FARS2: variants seen among roughly 807,000 people sequenced by gnomAD.
The protein encoded by FARS2 is phenylalanine--tRNA ligase, mitochondrial.
Under a neutral mutation model 46.4 loss-of-function variants are expected in FARS2, and 40 were observed. That is an observed-to-expected ratio of 0.86 (90% CI 0.67 to 1.12). The LOEUF is 1.12. Ranked by LOEUF, FARS2 falls within the 50% of genes most tolerant of loss-of-function variation. The probability of loss-of-function intolerance (pLI) is 0.00; values close to 1 mark genes in which losing one functional copy is unlikely to be tolerated. For missense variants in FARS2, 513 were observed against 567.9 expected (o/e 0.90, Z 0.98); for synonymous variants, 234 against 214.9 (o/e 1.09, Z -0.78).
At chr6:5,522,492 T>A (rs1326116249) in intron 4 of FARS2, among the ~76,000 whole-genome samples, 2 of 152,260 alleles carry the variant, frequency 1.3e-5, no homozygotes, top group African/African-American at 2.4e-5. Context: ...GTTCCACAGA[T>A]GAACTATACC....
chr6:5,476,351 T>C (rs1476380790), intron 4 of FARS2, among the ~76,000 whole-genome samples: 1 of 152,220 alleles, frequency 6.6e-6, no homozygotes, highest in African/African-American at 2.4e-5. Context: ...TCTGCTTTAT[T>C]TTCTTCATGG....
chr6:5,661,437 A>G (rs1777847439), intron 6 of FARS2, among the ~76,000 whole-genome samples: 1 of 152,202 alleles, frequency 6.6e-6, no homozygotes. Context: ...GCATGGAGTG[A>G]GAAGAGCAAG....
intron 6 of FARS2, among the ~76,000 whole-genome samples, chr6:5,742,482 G>A (rs1291822623): frequency 2.0e-5 from 3 of 152,152 alleles, no homozygotes; most frequent in African/African-American, 7.2e-5. Flanking sequence ...ATTATATGTA[G>A]TACCTTCTAA....
intron 4 of FARS2, among the ~76,000 whole-genome samples, chr6:5,480,894 A>T (rs1766413578): frequency 6.6e-6 from 1 of 152,206 alleles, no homozygotes; most frequent in Non-Finnish European, 1.5e-5. Flanking sequence ...TCTATAGAAG[A>T]CTAAAAATGA....
At chr6:5,615,988 T>TC (rs1185777577) in intron 6 of FARS2, among the ~76,000 whole-genome samples, 2 of 140,022 alleles carry the variant, frequency 1.4e-5, no homozygotes, top group East Asian at 4.5e-4. Flanking sequence ...ACTTTACACT[T>TC]CAGATTGTAA....
At chr6:5,302,767 G>A (rs984548043) in intron 1 of FARS2, among the ~76,000 whole-genome samples, 14 of 152,108 alleles carry the variant, frequency 9.2e-5, no homozygotes, top group Non-Finnish European at 1.8e-4. Flanking sequence ...GTCGGCTCAC[G>A]GTGCAGAAAT....
chr6:5,508,293 C>T (rs1445490354), intron 4 of FARS2, among the ~76,000 whole-genome samples: 1 of 152,264 alleles, frequency 6.6e-6, no homozygotes, highest in Non-Finnish European at 1.5e-5. Flanking sequence ...GATGCCACAT[C>T]TCCGAGGGGA....
chr6:5,662,763 A>C (rs564038023), intron 6 of FARS2, among the ~76,000 whole-genome samples: 1 of 152,346 alleles, frequency 6.6e-6, no homozygotes, highest in Non-Finnish European at 1.5e-5. Flanking sequence ...GAAGATTCTC[A>C]GATCAGATCC....
intron 4 of FARS2, among the ~76,000 whole-genome samples, chr6:5,538,813 A>G (rs1770382684): frequency 6.6e-6 from 1 of 152,204 alleles, no homozygotes; most frequent in Non-Finnish European, 1.5e-5. Flanking sequence ...AACTCAGCAA[A>G]TGGACACCGT....
At chr6:5,641,192 G>C (rs1776798160) in intron 6 of FARS2, among the ~76,000 whole-genome samples, 1 of 152,198 alleles carries the variant, frequency 6.6e-6, no homozygotes, top group Non-Finnish European at 1.5e-5. Flanking sequence ...CAGGGCCACT[G>C]AGAGGCAAGG....
chr6:5,452,051 A>G (rs1764525596), intron 4 of FARS2: 1 of 152,164 alleles, frequency 6.6e-6, no homozygotes, highest in African/African-American at 2.4e-5. Flanking sequence ...CTTAATTCCT[A>G]CTGGTTAGTG....
At chr6:5,753,998 A>G (rs1321387804) in intron 6 of FARS2, among the ~76,000 whole-genome samples, 1 of 152,258 alleles carries the variant, frequency 6.6e-6, no homozygotes, top group African/African-American at 2.4e-5. Context: ...AAGTAACACC[A>G]GGGACACATA....
intron 4 of FARS2, among the ~76,000 whole-genome samples, chr6:5,453,475 G>C (rs977412806): frequency 6.6e-6 from 1 of 152,132 alleles, no homozygotes; most frequent in Non-Finnish European, 1.5e-5. Flanking sequence ...AGAAAACTGA[G>C]AAAAAATTTC....
At chr6:5,496,218 G>A (rs1182772604) in intron 4 of FARS2, among the ~76,000 whole-genome samples, 3 of 152,094 alleles carry the variant, frequency 2.0e-5, no homozygotes, top group Non-Finnish European at 2.9e-5. Flanking sequence ...TGTCTCTCTA[G>A]TTGCTCTGCA....
intron 1 of FARS2, among the ~76,000 whole-genome samples, chr6:5,274,950 C>T (rs1403947754): frequency 1.3e-5 from 2 of 152,200 alleles, no homozygotes; most frequent in Non-Finnish European, 2.9e-5. Context: ...CTTCTGGCTT[C>T]AAGCAGTCCT....
intron 4 of FARS2, among the ~76,000 whole-genome samples, chr6:5,530,687 T>A (rs912998267): frequency 1.4e-5 from 2 of 147,394 alleles, no homozygotes; most frequent in Non-Finnish European, 1.5e-5. Context: ...AAATATAAAA[T>A]ATATATAACA....
intron 5 of FARS2, among the ~76,000 whole-genome samples, chr6:5,558,797 C>T (rs74663347): frequency 2.6e-5 from 4 of 152,074 alleles, no homozygotes; most frequent in East Asian, 1.9e-4. Context: ...GTGATCCACC[C>T]GCCTTGGCCT....
Position 5,494,478 on chromosome 6 carries a change from A to T in FARS2, c.905-50702A>T, listed in dbSNP as rs148053691. 4.6e-5 allele frequency among the ~76,000 whole-genome samples: 7 copies of T among 152,194 alleles called. No individual in the cohort carries two copies. The East Asian group carries it at 1.4e-3, about 29-fold the overall frequency. On this transcript the variant is annotated intron_variant, in intron 4 of 6. Transcript: ENST00000274680. ...GTTTAGGTGTCCTTGATAGGTTCTT[A>T]TTCTTTTTGTATCTTTCTATTGCTA...
At chr6:5,648,267 C>T (rs1462251578) in intron 6 of FARS2, among the ~76,000 whole-genome samples, 1 of 152,236 alleles carries the variant, frequency 6.6e-6, no homozygotes, top group African/African-American at 2.4e-5. Flanking sequence ...CATTTGCCAA[C>T]ATCAGCACCT....
Sources: gnomAD v4.1 joint callset for allele counts (sites outside exome capture counted in the v4.1 genomes callset) on GRCh38, gnomAD v4.1.1 for gene constraint, MANE v1.5 for transcripts, NCBI Gene and HGNC (gene_info 2026-07-23, HGNC 2026-07-21) for gene names.